ACACA: variants seen among roughly 807,000 people sequenced by gnomAD.
The protein encoded by ACACA is acetyl-CoA carboxylase alpha, also known as acetyl-CoA carboxylase 1.
A neutral mutation model predicts 296.1 loss-of-function variants in ACACA; 103 were observed. The observed-to-expected ratio is 0.35, with a 90% CI of 0.30 to 0.41. The LOEUF is 0.41. Among genes scored for constraint, ACACA ranks in the 10% least tolerant of loss-of-function variants. The probability of loss-of-function intolerance (pLI) is 1.00; values close to 1 mark genes in which losing one functional copy is unlikely to be tolerated. For missense variants in ACACA, 1,554 were observed against 2,989.7 expected, an observed-to-expected ratio of 0.52 and a Z score of 11.20; for synonymous variants, 953 against 1,038.6, an observed-to-expected ratio of 0.92 and a Z score of 1.58.
Position 37,097,749 on chromosome 17 carries a change from G to A in ACACA, c.6720+81C>T. On this transcript the variant is annotated intron_variant, in intron 53 of 55. Coordinates refer to ENST00000616317, the MANE Select transcript of ACACA (RefSeq NM_198834.3). The surrounding 1 kb of genome is among the most constrained non-coding windows in gnomAD (Gnocchi z 4.8). ...TTTAATTTGGCCCTCATAGCTCCCT[G>A]CTTATGAGCCTGTGTGCAACACACA... 1 of 1,561,836 alleles carries A rather than the reference G, an allele frequency of 6.4e-7. No homozygotes were observed. The highest frequency in any genetic ancestry group is 1.1e-5 in the South Asian group (1 of 87,918).
At chr17:37,337,478 G>A (rs1330432845) in intron 2 of ACACA, among the ~76,000 whole-genome samples, 3 of 150,712 alleles carry the variant, frequency 2.0e-5, no homozygotes, top group African/African-American at 7.3e-5. Context: ...TTTAGAGGCA[G>A]GGTCTTGCTC....
At chr17:37,242,077 A>G (rs2080440976) in intron 22 of ACACA, 24 bp from the exon 23 acceptor site, 1 of 1,590,348 alleles carries the variant, frequency 6.3e-7, no homozygotes, top group Non-Finnish European at 8.6e-7. Flanking sequence ...AAGGGAAAAA[A>G]ATGAGGCCCA....
chr17:37,213,943 CT>C, intron 29 of ACACA, among the ~76,000 whole-genome samples: 1 of 152,096 alleles, frequency 6.6e-6, no homozygotes, highest in South Asian at 2.1e-4. Flanking sequence ...TTATATAAAT[CT>C]TTTATCATAT....
intron 1 of ACACA, among the ~76,000 whole-genome samples, chr17:37,342,458 TAC>T (rs1212506277): frequency 2.3e-4 from 23 of 98,404 alleles, no homozygotes; most frequent in African/African-American, 5.3e-4. Context: ...TATATATATA[TAC>T]ACACACACAC....
chr17:37,210,651 A>G lies in ACACA; in HGVS notation c.3684-161T>C, dbSNP rs9909876. ...CTCATTACCCTTCAACCCCCAGGAT[A>G]CCTCCAAAGAGGCATGCTCCTAACC... On this transcript the variant is annotated intron_variant, in intron 29 of 55. Coordinates refer to ENST00000616317, the MANE Select transcript of ACACA (RefSeq NM_198834.3). 9.8e-3 allele frequency among the ~76,000 whole-genome samples: 1,469 copies of G among 150,614 alleles called. 23 individuals carry two copies. The highest frequency in any genetic ancestry group is 0.034 in the African/African-American group (1,397 of 40,824).
At chr17:37,104,588 A>G (rs1441150448) in intron 52 of ACACA, among the ~76,000 whole-genome samples, 1 of 152,212 alleles carries the variant, frequency 6.6e-6, no homozygotes, top group Non-Finnish European at 1.5e-5. Context: ...ACAGTGGCCT[A>G]TCAGGTGTTC....
intron 41 of ACACA, among the ~76,000 whole-genome samples, chr17:37,174,007 TATATATATA>T (rs1223930117): frequency 1.5e-3 from 24 of 15,644 alleles, no homozygotes; most frequent in East Asian, 9.9e-3. Context: ...TATATATATA[TATATATATA>T]TATATTTTTT....
intron 3 of ACACA, among the ~76,000 whole-genome samples, chr17:37,303,184 C>A (rs544844989): frequency 6.6e-6 from 1 of 152,330 alleles, no homozygotes; most frequent in Non-Finnish European, 1.5e-5. Context: ...CAATCCTAGC[C>A]AACCACTAAT....
At chr17:37,375,101 G>A (rs1428255738) in intron 1 of ACACA, among the ~76,000 whole-genome samples, 2 of 152,066 alleles carry the variant, frequency 1.3e-5, no homozygotes, top group Non-Finnish European at 2.9e-5. Context: ...GACTGAGGCA[G>A]GAGAATCACT....
intron 1 of ACACA, chr17:37,392,800 G>A (rs530658806): frequency 1.9e-4 from 29 of 152,218 alleles, no homozygotes; most frequent in African/African-American, 7.0e-4. Context: ...GCCTGAAAGA[G>A]AACACATATA....
At chr17:37,267,312 G>A (rs1206579709) in intron 10 of ACACA, among the ~76,000 whole-genome samples, 1 of 152,142 alleles carries the variant, frequency 6.6e-6, no homozygotes, top group African/African-American at 2.4e-5. Flanking sequence ...CTCAAATGTG[G>A]TGCTGCTGAC....
chr17:37,358,727 G>A (rs1011563725), intron 1 of ACACA, among the ~76,000 whole-genome samples: 4 of 152,172 alleles, frequency 2.6e-5, no homozygotes, highest in Non-Finnish European at 5.9e-5. Context: ...CCTTCCTAGA[G>A]GAGCCCTGAA....
intron 1 of ACACA, among the ~76,000 whole-genome samples, chr17:37,359,374 G>A (rs1446367183): frequency 1.3e-5 from 2 of 151,904 alleles, no homozygotes; most frequent in Admixed American, 6.6e-5. Flanking sequence ...TGGTCCGAGC[G>A]CGGATCTGCC....
At chr17:37,190,998 A>G in intron 38 of ACACA, 122 bp downstream of exon 38, 5 of 1,196,344 alleles carry the variant, frequency 4.2e-6, no homozygotes, top group Non-Finnish European at 6.1e-6. Context: ...TAAACTTTAC[A>G]GATTAAGGGC....
intron 11 of ACACA, among the ~76,000 whole-genome samples, chr17:37,262,203 C>A (rs577074638): frequency 6.6e-6 from 1 of 152,242 alleles, no homozygotes; most frequent in Admixed American, 6.5e-5. Flanking sequence ...GGAATAAAAT[C>A]GAAATTTTTG....
chr17:37,375,441 C>T lies in ACACA; in HGVS notation c.38+30821G>A, dbSNP rs532984792. 5.3e-5 allele frequency among the ~76,000 whole-genome samples: 8 copies of T among 151,696 alleles called. No individual in the cohort carries two copies. In the South Asian group the frequency reaches 1.3e-3, roughly 24 times the overall value. On this transcript the variant is annotated intron_variant, in intron 1 of 55. Transcript: ENST00000616317. ...GACAGAGCTTGCAGTGAGCCGAGATCGTGTCACTACACTCCAGCCTGGGCG... is the reference window on the plus strand; with the variant it reads ...GACAGAGCTTGCAGTGAGCCGAGATTGTGTCACTACACTCCAGCCTGGGCG...
intron 15 of ACACA, among the ~76,000 whole-genome samples, 162 bp from the exon 16 acceptor site, chr17:37,252,270 T>G (rs1419915219): frequency 5.3e-5 from 8 of 152,226 alleles, no homozygotes; most frequent in African/African-American, 1.4e-4. Context: ...ACACATTCAC[T>G]TTTAGAATTT....
intron 3 of ACACA, among the ~76,000 whole-genome samples, chr17:37,329,959 CA>C (rs112617527): frequency 0.044 from 6,628 of 151,546 alleles, 363 homozygotes; most frequent in African/African-American, 0.13. Context: ...AAAACAAAAA[CA>C]AAAAAAACCT....
At chr17:37,310,923 G>A (rs912581895) in intron 3 of ACACA, among the ~76,000 whole-genome samples, 10 of 152,126 alleles carry the variant, frequency 6.6e-5, no homozygotes, top group Non-Finnish European at 4.4e-5. Context: ...AAGGGAGACT[G>A]GAGATTGGTA....
Sources: allele counts gnomAD v4.1 joint callset (sites outside exome capture counted in the v4.1 genomes callset), GRCh38; gene constraint gnomAD v4.1.1; non-coding constraint Gnocchi (gnomAD v3.1); transcripts MANE v1.5; gene names NCBI Gene and HGNC (gene_info 2026-07-23, HGNC 2026-07-21).